SDHAF3: variants seen among roughly 807,000 people sequenced by gnomAD.
The protein encoded by SDHAF3 is succinate dehydrogenase assembly factor 3, mitochondrial.
In SDHAF3, 18 loss-of-function variants were observed where a neutral mutation model predicts 11.5. That is an observed-to-expected ratio of 1.56 (90% CI 1.08 to 2.32). The LOEUF (loss-of-function observed/expected upper bound fraction) is 2.32, where lower values mean the gene tolerates loss of function less well. Ranked by LOEUF, SDHAF3 falls within the 30% of genes most tolerant of loss-of-function variation. The pLI is 0.00. For synonymous variants in SDHAF3, 72 were observed against 59.3 expected, an observed-to-expected ratio of 1.21 and a Z score of -0.99; for missense variants, 200 against 154.4, an observed-to-expected ratio of 1.30 and a Z score of -1.57.
At chr7:97,158,330 T>TTTTG (rs1457485886) in intron 1 of SDHAF3, among the ~76,000 whole-genome samples, 3 of 152,116 alleles carry the variant, frequency 2.0e-5, no homozygotes, top group African/African-American at 7.2e-5. Flanking sequence ...TTCCCCGTGT[T>TTTTG]TTTGTTTGTT....
chr7:97,168,890 TATTTTAGTTTGATTACAG>T (rs1789557855), intron 1 of SDHAF3, among the ~76,000 whole-genome samples: 2 of 152,264 alleles, frequency 1.3e-5, no homozygotes, highest in Non-Finnish European at 2.9e-5. Context: ...ATTTGTTTGA[TATTTTAGTTTGATTACAG>T]ATATGTAGAC....
At chr7:97,171,711 G>T (rs1394137107) in intron 1 of SDHAF3, among the ~76,000 whole-genome samples, 1 of 151,950 alleles carries the variant, frequency 6.6e-6, no homozygotes, top group Non-Finnish European at 1.5e-5. Flanking sequence ...TTCTAAATAA[G>T]AATAGCCTTT....
intron 1 of SDHAF3, among the ~76,000 whole-genome samples, chr7:97,161,613 G>T (rs953229174): frequency 6.6e-6 from 1 of 152,030 alleles, no homozygotes; most frequent in African/African-American, 2.4e-5. Context: ...AGGCCCTGGT[G>T]TGTGCTGTTC....
chr7:97,127,935 C>T (rs1791601618), intron 1 of SDHAF3, among the ~76,000 whole-genome samples: 2 of 129,942 alleles, frequency 1.5e-5, no homozygotes, highest in Admixed American at 8.7e-5. Context: ...GAGTCTCCCT[C>T]TGTCGCTGAG....
chr7:97,173,771 C>T (rs1370411362), intron 1 of SDHAF3, among the ~76,000 whole-genome samples: 1 of 152,042 alleles, frequency 6.6e-6, no homozygotes, highest in Non-Finnish European at 1.5e-5. Context: ...CCAGGATGAT[C>T]TCAATCTCCT....
intron 1 of SDHAF3, among the ~76,000 whole-genome samples, chr7:97,157,426 C>G (rs1789320350): frequency 6.6e-6 from 1 of 152,140 alleles, no homozygotes; most frequent in African/African-American, 2.4e-5. Context: ...GATACCATCT[C>G]ACACCAGTTA....
At chr7:97,143,695 GTGTGTA>G (rs1162282795) in intron 1 of SDHAF3, among the ~76,000 whole-genome samples, 3 of 146,334 alleles carry the variant, frequency 2.1e-5, no homozygotes, top group Admixed American at 6.8e-5. Context: ...GTGTGTGTGT[GTGTGTA>G]TACCAGTTTC....
At chr7:97,170,464 G>A (rs1389677306) in intron 1 of SDHAF3, among the ~76,000 whole-genome samples, 1 of 152,076 alleles carries the variant, frequency 6.6e-6, no homozygotes, top group African/African-American at 2.4e-5. Context: ...GGAACTTTGG[G>A]ATGAATTTCA....
At chr7:97,180,511 C>T (rs1231969555) in intron 1 of SDHAF3, among the ~76,000 whole-genome samples, 7 of 152,114 alleles carry the variant, frequency 4.6e-5, no homozygotes, top group African/African-American at 1.4e-4. Context: ...CCCTGGGTGA[C>T]AGGACCTGTA....
At chr7:97,174,477 A>G (rs1381079030) in intron 1 of SDHAF3, among the ~76,000 whole-genome samples, 2 of 152,202 alleles carry the variant, frequency 1.3e-5, no homozygotes, top group Non-Finnish European at 2.9e-5. Flanking sequence ...ACCAGCTTTT[A>G]GAGGAATTGT....
intron 1 of SDHAF3, among the ~76,000 whole-genome samples, chr7:97,136,952 A>G (rs1451243350): frequency 6.6e-6 from 1 of 152,172 alleles, no homozygotes; most frequent in Non-Finnish European, 1.5e-5. Context: ...ATAAAATAAA[A>G]TAAAATGTGA....
At position 97,140,058 on chromosome 7, in the gene SDHAF3, C is replaced by T. The variant is rs555295982; in HGVS notation, c.174+22161C>T. On this transcript the variant is annotated intron_variant, in intron 1 of 1. Coordinates refer to ENST00000432641, the MANE Select transcript of SDHAF3 (RefSeq NM_020186.3). ...ATTAAAAACTGTGCAAAATCTGGCC[C>T]GAATATATTTTTCCTACCTTTATCT... Among the ~76,000 whole-genome samples, 5 of 152,206 alleles carry T rather than the reference C, an allele frequency of 3.3e-5. No homozygotes were observed. The South Asian group carries it at 8.3e-4, about 25-fold the overall frequency.
chr7:97,117,835 G>C lies in SDHAF3; in HGVS notation c.112G>C (p.Glu38Gln). Residue 38 changes from glutamate (E) to glutamine (Q), a missense_variant, in exon 1 of 2, where the codon GAA (glutamate) becomes CAA (glutamine). Glu to Gln is a conservative substitution (Grantham distance 29). Transcript: ENST00000432641. ...CCTGGGCGACCAGTACGTGAAAGAC[G>C]AATTTAGGAGACATAAGACCGTTGG... ...KSLGDQYVKD[E>Q]FRRHKTVGSD... 6.2e-7 allele frequency: 1 copy of C among 1,614,204 alleles called. No individual in the cohort carries two copies.
rs755073792 is a variant in SDHAF3, at chr7:97,181,045, G to T, written c.208G>T (p.Glu70Ter). ...YATALLQQAN[E>*]NRQNSTGKAC... ...AACAGCGTTATTGCAACAGGCTAACGAAAACAGACAAAATTCAACTGGAAA... is the reference window on the plus strand; with the variant it reads ...AACAGCGTTATTGCAACAGGCTAACTAAAACAGACAAAATTCAACTGGAAA... The change falls in exon 2 of 2, where the codon GAA becomes TAA. Residue 70 changes from glutamate (E) to a stop codon, truncating the protein, a stop_gained. Transcript: ENST00000432641. LOFTEE classifies it high-confidence loss of function. The T allele has an allele frequency of 6.2e-7, 1 of 1,613,814 alleles. No individual in the cohort carries two copies. The highest frequency in any genetic ancestry group is 8.5e-7 in the Non-Finnish European group (1 of 1,179,866).
rs746871150 is a variant in SDHAF3, at chr7:97,180,966, ATTAT to A, written c.175-42_175-39del. 4 of 1,504,904 alleles carry A rather than the reference ATTAT, an allele frequency of 2.7e-6. No homozygotes were observed. In the South Asian group the frequency reaches 5.0e-5, roughly 19 times the overall value. 93.2% of individuals were successfully genotyped at this position (1,504,904 alleles called of 1,614,324 possible). A position where few individuals can be genotyped will look rare whatever the true frequency, so the allele number is the denominator to read the frequency against. On this transcript the variant is annotated intron_variant, in intron 1 of 1. Coordinates refer to ENST00000432641, the MANE Select transcript of SDHAF3 (RefSeq NM_020186.3). ...GAATTCAAGTCCTCTAATGTTAAAT[ATTAT>A]TTAAACTTTACATCTATAACCTTCA...
At chr7:97,150,664 C>T (rs558207471) in intron 1 of SDHAF3, among the ~76,000 whole-genome samples, 8 of 150,698 alleles carry the variant, frequency 5.3e-5, no homozygotes, top group Non-Finnish European at 7.4e-5. Flanking sequence ...CCCGGGTTCA[C>T]GCCATTCTCC....
At chr7:97,144,944 G>T (rs1469166597) in intron 1 of SDHAF3, among the ~76,000 whole-genome samples, 3 of 151,478 alleles carry the variant, frequency 2.0e-5, no homozygotes, top group East Asian at 3.9e-4. Flanking sequence ...TGTGCATGGG[G>T]TGTGTTTCCC....
intron 1 of SDHAF3, among the ~76,000 whole-genome samples, chr7:97,152,754 A>T (rs1365324196): frequency 2.0e-5 from 3 of 152,146 alleles, no homozygotes; most frequent in African/African-American, 7.2e-5. Context: ...GGTTCAAGCG[A>T]TCCTTGTGCC....
intron 1 of SDHAF3, among the ~76,000 whole-genome samples, chr7:97,118,509 AAT>A (rs1382404996): frequency 1.3e-5 from 2 of 152,046 alleles, no homozygotes; most frequent in Admixed American, 1.3e-4. Flanking sequence ...CATTGCGCTA[AAT>A]ATTAAACAGA....
Sources: gnomAD v4.1 joint callset for allele counts (sites outside exome capture counted in the v4.1 genomes callset) on GRCh38, gnomAD v4.1.1 for gene constraint, MANE v1.5 for transcripts, NCBI Gene and HGNC (gene_info 2026-07-23, HGNC 2026-07-21) for gene names.